Variants in COL22A1 observed in about 807,000 individuals in gnomAD.
The protein encoded by COL22A1 is collagen type XXII alpha 1 chain.
Under a neutral mutation model 248.9 loss-of-function variants are expected in COL22A1, and 221 were observed. The observed-to-expected ratio is 0.89, with a 90% CI of 0.80 to 0.99. COL22A1 has a LOEUF of 0.99. Among genes scored for constraint, COL22A1 ranks in the 50% least tolerant of loss-of-function variants. COL22A1 has a pLI of 0.00. For missense variants in COL22A1, 2,240 were observed against 2,179.0 expected (o/e 1.03, Z -0.56); for synonymous variants, 891 against 793.4 (o/e 1.12, Z -2.07).
At position 138,760,851 on chromosome 8, in the gene COL22A1, G is replaced by A. The variant is rs529607369; in HGVS notation, c.1858-564C>T. On this transcript the variant is annotated intron_variant, in intron 17 of 64. Transcript: ENST00000303045. ...GCTTTCCACCAGCGGCCAAGAGAACGCCTGAGCTTCCCCAGCTCCTGCAGG... is the reference window on the plus strand; with the variant it reads ...GCTTTCCACCAGCGGCCAAGAGAACACCTGAGCTTCCCCAGCTCCTGCAGG... 2.6e-3 allele frequency among the ~76,000 whole-genome samples: 395 copies of A among 152,224 alleles called. 1 individual carries two copies. The highest frequency in any genetic ancestry group is 4.2e-3 in the Non-Finnish European group (285 of 68,002).
chr8:138,779,517 CG>C lies in COL22A1; in HGVS notation c.1695del (p.Gly566AlafsTer90). The C allele has an allele frequency of 1.2e-6, 2 of 1,612,608 alleles. No individual in the cohort carries two copies. Among genetic ancestry groups the C allele is most frequent in the Non-Finnish European group, 1.7e-6 (2 of 1,178,680 alleles). On this transcript the variant is annotated frameshift_variant, in exon 14 of 65. Coordinates refer to ENST00000303045, the MANE Select transcript of COL22A1 (RefSeq NM_152888.3). LOFTEE classifies it high-confidence loss of function. ...ELGEPGLPGE[V>X]GMRGPQGPPG... ...CTCACAGCAACACTCACCCGCATGC[CG>C]ACCTCACCCGGCAGCCCCGGCTCTC...
intron 11 of COL22A1, among the ~76,000 whole-genome samples, chr8:138,801,374 G>C (rs1049153449): frequency 6.6e-6 from 1 of 152,178 alleles, no homozygotes. Flanking sequence ...CGTGCCAAGA[G>C]TAGATGGCAT....
At chr8:138,599,912 G>C (rs1349239306) in intron 60 of COL22A1, among the ~76,000 whole-genome samples, 1 of 152,214 alleles carries the variant, frequency 6.6e-6, no homozygotes, top group Non-Finnish European at 1.5e-5. Flanking sequence ...CCTGGCAACT[G>C]AGACTGATGG....
At chr8:138,692,254 GTGCGTGTGTGCATGTT>G in intron 35 of COL22A1, among the ~76,000 whole-genome samples, 1 of 133,178 alleles carries the variant, frequency 7.5e-6, no homozygotes, top group South Asian at 2.5e-4. Flanking sequence ...GGACGTATGT[GTGCGTGTGTGCATGTT>G]TGTGTGCACA....
intron 57 of COL22A1, among the ~76,000 whole-genome samples, chr8:138,607,643 A>G (rs1818524457): frequency 6.6e-6 from 1 of 151,108 alleles, no homozygotes; most frequent in South Asian, 2.1e-4. Context: ...TCAAACTTCT[A>G]CCCTACAACT....
chr8:138,662,072 GCCTCGT>G lies in COL22A1; in HGVS notation c.3192_3197del (p.Arg1065_Gly1066del). 1 of 1,612,438 alleles carries G rather than the reference GCCTCGT, an allele frequency of 6.2e-7. No homozygotes were observed. Among genetic ancestry groups the G allele is most frequent in the Non-Finnish European group, 8.5e-7 (1 of 1,179,202 alleles). On this transcript the variant is annotated inframe_deletion, in exon 43 of 65. Coordinates refer to ENST00000303045, the MANE Select transcript of COL22A1 (RefSeq NM_152888.3). ...CCTGGGGGCCAGGGAATCCAGGTAAGCCTCGTGATCCCTGAAGAAAAAGAAAAGAAG... is the reference window on the plus strand; with the variant it reads ...CCTGGGGGCCAGGGAATCCAGGTAAGGATCCCTGAAGAAAAAGAAAAGAAG...
intron 10 of COL22A1, among the ~76,000 whole-genome samples, chr8:138,804,658 G>C (rs1309623527): frequency 6.6e-6 from 1 of 152,182 alleles, no homozygotes; most frequent in Admixed American, 6.5e-5. Context: ...TCAGCACAAA[G>C]AGAAGACTCA....
chr8:138,629,312 G>A (rs555644771), intron 50 of COL22A1, among the ~76,000 whole-genome samples: 24 of 152,070 alleles, frequency 1.6e-4, no homozygotes, highest in Non-Finnish European at 2.9e-4. Flanking sequence ...ATGTGCCACC[G>A]TGCGAGACTA....
intron 17 of COL22A1, among the ~76,000 whole-genome samples, chr8:138,761,739 T>C (rs983094475): frequency 3.9e-5 from 6 of 152,220 alleles, no homozygotes; most frequent in South Asian, 4.1e-4. Context: ...AATTTAAATA[T>C]GTAAATGTAG....
At chr8:138,778,487 C>A (rs879167933) in intron 14 of COL22A1, 81 bp from the exon 15 acceptor site, 4 of 1,296,420 alleles carry the variant, frequency 3.1e-6, no homozygotes, top group East Asian at 2.4e-5. Context: ...GCCAGTCCCA[C>A]GTTTGGTGAC....
chr8:138,715,809 C>A, intron 29 of COL22A1, 74 bp from the exon 30 acceptor site: 1 of 1,089,512 alleles, frequency 9.2e-7, no homozygotes, highest in Non-Finnish European at 1.4e-6. Context: ...AAGGTAAGAG[C>A]AACATGACTT....
At chr8:138,707,352 C>A (rs1318705150) in intron 30 of COL22A1, among the ~76,000 whole-genome samples, 2 of 152,134 alleles carry the variant, frequency 1.3e-5, no homozygotes, top group Non-Finnish European at 2.9e-5. Flanking sequence ...AATTTTAGAC[C>A]AATATCCCTG....
intron 62 of COL22A1, among the ~76,000 whole-genome samples, chr8:138,595,806 C>A (rs996804874): frequency 1.3e-5 from 2 of 152,096 alleles, no homozygotes; most frequent in African/African-American, 4.8e-5. Context: ...AATAAACGTG[C>A]CCTCCCCTTT....
intron 16 of COL22A1, among the ~76,000 whole-genome samples, chr8:138,775,379 C>T (rs766559313): frequency 6.6e-6 from 1 of 152,226 alleles, no homozygotes; most frequent in Admixed American, 6.5e-5. Context: ...TCGGAGAACC[C>T]TTCCACTGTT....
At chr8:138,831,454 C>A (rs1056628996) in intron 5 of COL22A1, among the ~76,000 whole-genome samples, 1 of 152,152 alleles carries the variant, frequency 6.6e-6, no homozygotes, top group Admixed American at 6.5e-5. Context: ...AATTGATCAG[C>A]TAACTTCAAA....
At chr8:138,623,831 G>T in intron 51 of COL22A1, 46 bp from the exon 52 acceptor site, 1 of 1,561,890 alleles carries the variant, frequency 6.4e-7, no homozygotes, top group South Asian at 1.2e-5. Flanking sequence ...GAAGATTCGA[G>T]GGGATGGAAA....
intron 41 of COL22A1, among the ~76,000 whole-genome samples, chr8:138,668,086 CAT>C (rs934043061): frequency 6.6e-6 from 1 of 151,992 alleles, no homozygotes; most frequent in Admixed American, 6.6e-5. Context: ...AGAAGCGTGA[CAT>C]GTATGAAATA....
At chr8:138,662,608 G>A (rs987955961) in intron 42 of COL22A1, among the ~76,000 whole-genome samples, 21 of 152,066 alleles carry the variant, frequency 1.4e-4, no homozygotes, top group African/African-American at 4.6e-4. Context: ...CTCATTTCCC[G>A]TAAGATTTTT....
chr8:138,676,454 A>AAAGAAAGAAAGAAAAAGAAAGAAAGG (rs71582022), intron 41 of COL22A1, 104 bp downstream of exon 41: 1 of 396,726 alleles, frequency 2.5e-6, no homozygotes, highest in Non-Finnish European at 4.4e-6. Flanking sequence ...AGAAAGAAAG[A>AAAGAAAGAAAGAAAAAGAAAGAAAGG]AAGGAAGAAA....
Sources: gnomAD v4.1 joint callset for allele counts (sites outside exome capture counted in the v4.1 genomes callset) on GRCh38, gnomAD v4.1.1 for gene constraint, MANE v1.5 for transcripts, NCBI Gene and HGNC (gene_info 2026-07-23, HGNC 2026-07-21) for gene names.